Variants in MAGI1 observed in about 807,000 individuals in gnomAD.
The protein encoded by MAGI1 is membrane-associated guanylate kinase, WW and PDZ domain-containing protein 1.
A neutral mutation model predicts 139.9 loss-of-function variants in MAGI1; 58 were observed. The observed-to-expected ratio is 0.41, with a 90% CI of 0.34 to 0.52. MAGI1 has a LOEUF of 0.52. Among genes scored for constraint, MAGI1 ranks in the 20% least tolerant of loss-of-function variants. MAGI1 has a pLI of 0.12. For missense variants in MAGI1, 1,874 were observed against 1,901.6 expected (o/e 0.99, Z 0.27); for synonymous variants, 812 against 737.9 (o/e 1.10, Z -1.63).
At chr3:65,714,883 C>T (rs2032027950) in intron 1 of MAGI1, among the ~76,000 whole-genome samples, 1 of 152,112 alleles carries the variant, frequency 6.6e-6, no homozygotes, top group African/African-American at 2.4e-5. Flanking sequence ...TTCTGTTCCT[C>T]ACTACAGGAA....
rs189951868 is a variant in MAGI1, at chr3:65,626,404, A to G, written c.314-4316T>C. On this transcript the variant is annotated intron_variant, in intron 1 of 22. Transcript: ENST00000402939. ...CATTGGTGTGATCATGGCTCACAGT[A>G]GCCTTGACCTTTTAGGCTCAAGCAG... Among the ~76,000 whole-genome samples, 772 of 152,240 alleles carry G rather than the reference A, an allele frequency of 5.1e-3. 6 individuals are homozygous for G. The highest frequency in any genetic ancestry group is 0.017 in the Middle Eastern group (5 of 294).
chr3:65,383,554 C>A lies in MAGI1; in HGVS notation c.2486G>T (p.Gly829Val). Reference sequence around the variant, plus strand: ...CACAGGTTCCCCTGGTTCATTTCCACCCAGAATCCTAAATCCAAATCCAGT... The same window carrying A: ...CACAGGTTCCCCTGGTTCATTTCCAACCAGAATCCTAAATCCAAATCCAGT... Reference protein sequence around the residue: ...KETGFGFRILGGNEPGEPIYI... With the variant: ...KETGFGFRILVGNEPGEPIYI... Residue 829 changes from glycine (G) to valine (V), a missense_variant, in exon 15 of 23, where the codon GGT (glycine) becomes GTT (valine). Physicochemically the swap from Gly to Val is moderately radical, Grantham distance 109 (BLOSUM62 -3). Coordinates refer to ENST00000402939, the MANE Select transcript of MAGI1 (RefSeq NM_001033057.2). The A allele has an allele frequency of 6.2e-7, 1 of 1,613,704 alleles. No individual in the cohort carries two copies. The highest frequency in any genetic ancestry group is 1.1e-5 in the South Asian group (1 of 91,076).
intron 1 of MAGI1, among the ~76,000 whole-genome samples, chr3:65,934,079 C>T (rs769897395): frequency 1.1e-4 from 16 of 152,108 alleles, no homozygotes; most frequent in Non-Finnish European, 2.1e-4. Context: ...TGAGATCGCG[C>T]CACTGCACTC....
intron 1 of MAGI1, among the ~76,000 whole-genome samples, chr3:65,978,112 T>G (rs758073614): frequency 6.6e-6 from 1 of 152,246 alleles, no homozygotes; most frequent in Non-Finnish European, 1.5e-5. Flanking sequence ...TTTATAATAA[T>G]AGCAGCTGAT....
At chr3:65,505,220 T>C (rs1201223191) in intron 2 of MAGI1, among the ~76,000 whole-genome samples, 1 of 152,172 alleles carries the variant, frequency 6.6e-6, no homozygotes, top group African/African-American at 2.4e-5. Context: ...TGGAATGAAC[T>C]ACTTCCAACA....
chr3:65,812,325 C>A (rs1456680646), intron 1 of MAGI1, among the ~76,000 whole-genome samples: 1 of 151,984 alleles, frequency 6.6e-6, no homozygotes, highest in African/African-American at 2.4e-5. Flanking sequence ...TTTACCTGTT[C>A]CTGGCCCAGT....
intron 1 of MAGI1, among the ~76,000 whole-genome samples, chr3:65,773,214 C>T (rs546038905): frequency 1.4e-4 from 22 of 152,244 alleles, no homozygotes; most frequent in South Asian, 1.2e-3. Context: ...AAACAACAGC[C>T]AACACCCCCA....
At chr3:65,749,188 G>C (rs1473488379) in intron 1 of MAGI1, among the ~76,000 whole-genome samples, 1 of 152,160 alleles carries the variant, frequency 6.6e-6, no homozygotes, top group African/African-American at 2.4e-5. Flanking sequence ...AAACCTCAGA[G>C]ATCATGATAG....
chr3:65,721,006 G>A lies in MAGI1; in HGVS notation c.314-98918C>T, dbSNP rs546678146. Among the ~76,000 whole-genome samples the A allele has an allele frequency of 2.6e-5, 4 of 152,108 alleles. No homozygotes were observed. The South Asian group carries it at 8.3e-4, about 32-fold the overall frequency. On this transcript the variant is annotated intron_variant, in intron 1 of 22. Coordinates refer to ENST00000402939, the MANE Select transcript of MAGI1 (RefSeq NM_001033057.2). ...ATCTGCCCACCTCAGTCTCCCAAAG[G>A]GTTGGGATTTCAGGTGTGAAATCCC...
chr3:65,994,290 A>C (rs1039986865), intron 1 of MAGI1, among the ~76,000 whole-genome samples: 5 of 151,478 alleles, frequency 3.3e-5, no homozygotes, highest in Non-Finnish European at 5.9e-5. Flanking sequence ...AAAAAAAAAA[A>C]CACTGGTAAA....
intron 1 of MAGI1, among the ~76,000 whole-genome samples, chr3:66,015,559 G>A (rs2067588836): frequency 6.6e-6 from 1 of 152,170 alleles, no homozygotes; most frequent in African/African-American, 2.4e-5. Context: ...AAGTAAATGA[G>A]TTGATAAAAA....
intron 1 of MAGI1, among the ~76,000 whole-genome samples, chr3:65,963,750 T>C (rs766921762): frequency 6.6e-6 from 1 of 152,160 alleles, no homozygotes; most frequent in Non-Finnish European, 1.5e-5. Flanking sequence ...TTACTTGAAA[T>C]CGCACAACAC....
At chr3:65,982,737 T>G (rs985482024) in intron 1 of MAGI1, among the ~76,000 whole-genome samples, 4 of 152,140 alleles carry the variant, frequency 2.6e-5, no homozygotes, top group African/African-American at 7.2e-5. Context: ...ACCATTATAG[T>G]GACTGTATAT....
intron 5 of MAGI1, among the ~76,000 whole-genome samples, chr3:65,460,616 A>G (rs1176845446): frequency 2.0e-5 from 3 of 152,142 alleles, no homozygotes; most frequent in Non-Finnish European, 2.9e-5. Flanking sequence ...TTACACAGGT[A>G]TACATGTGCC....
At chr3:65,924,543 T>C (rs182041) in intron 1 of MAGI1, among the ~76,000 whole-genome samples, 118,135 of 152,140 alleles carry the variant, frequency 0.78, 46,958 homozygotes, top group East Asian at 0.98. Context: ...GCTCAAACAA[T>C]ATGAGGCAAG....
At chr3:65,514,298 A>G (rs1349671495) in intron 2 of MAGI1, among the ~76,000 whole-genome samples, 8 of 131,230 alleles carry the variant, frequency 6.1e-5, no homozygotes, top group African/African-American at 2.3e-4. Flanking sequence ...AAAAGACAAA[A>G]TTGACAAATG....
intron 1 of MAGI1, among the ~76,000 whole-genome samples, chr3:65,973,366 GA>G (rs1560070193): frequency 6.6e-6 from 1 of 152,020 alleles, no homozygotes; most frequent in Non-Finnish European, 1.5e-5. Context: ...AAGGGAAGTA[GA>G]AAAAATTTCC....
At chr3:65,387,105 T>G in intron 14 of MAGI1, 7 of 1,558,876 alleles carry the variant, frequency 4.5e-6, no homozygotes, top group East Asian at 4.5e-5. Flanking sequence ...ACAAGATGAA[T>G]GAAAACGGAG....
chr3:65,696,439 A>G (rs1357694049), intron 1 of MAGI1, among the ~76,000 whole-genome samples: 1 of 152,088 alleles, frequency 6.6e-6, no homozygotes, highest in Non-Finnish European at 1.5e-5. Context: ...CTTTACATTC[A>G]TGGGGCATCT....
Sources: gnomAD v4.1 joint callset for allele counts (sites outside exome capture counted in the v4.1 genomes callset) on GRCh38, gnomAD v4.1.1 for gene constraint, MANE v1.5 for transcripts, NCBI Gene and HGNC (gene_info 2026-07-23, HGNC 2026-07-21) for gene names.